ZDHHC21: variants seen among roughly 807,000 people sequenced by gnomAD.
ZDHHC21 encodes the protein zDHHC palmitoyltransferase 21.
Under a neutral mutation model 34.6 loss-of-function variants are expected in ZDHHC21, and 15 were observed. The observed-to-expected ratio is 0.43, with a 90% CI of 0.29 to 0.67. The LOEUF (loss-of-function observed/expected upper bound fraction) is 0.67, where lower values mean the gene tolerates loss of function less well. ZDHHC21 is among the 30% of genes least tolerant of loss of function. ZDHHC21 has a pLI of 0.14. For synonymous variants in ZDHHC21, 142 were observed against 101.8 expected (o/e 1.40, Z -2.38); for missense variants, 344 against 327.7 (o/e 1.05, Z -0.38).
At chr9:14,593,972 G>A in the ZDHHC21 span, 1 of 152,228 alleles carries the variant, frequency 6.6e-6, no homozygotes, top group African/African-American at 2.4e-5. Context: ...TGGGGAAACA[G>A]GGCCTAGTTT....
intron 7 of ZDHHC21, among the ~76,000 whole-genome samples, chr9:14,654,143 A>G (rs902322678): frequency 3.3e-5 from 5 of 152,072 alleles, no homozygotes; most frequent in Non-Finnish European, 5.9e-5. Flanking sequence ...GTAGGGCACA[A>G]TCCACAATAA....
intron 8 of ZDHHC21, among the ~76,000 whole-genome samples, chr9:14,633,644 T>C (rs182153508): frequency 5.0e-4 from 76 of 152,212 alleles, no homozygotes; most frequent in Non-Finnish European, 9.4e-4. Context: ...CCACAGCCAC[T>C]GCTGCAGTTG....
intron 2 of ZDHHC21, among the ~76,000 whole-genome samples, chr9:14,687,608 G>A (rs895583304): frequency 1.2e-4 from 18 of 150,852 alleles, no homozygotes; most frequent in Admixed American, 1.0e-3. Flanking sequence ...AACCCAGGAG[G>A]CAGAAGCCGC....
intron 5 of ZDHHC21, among the ~76,000 whole-genome samples, chr9:14,664,291 C>T (rs754350414): frequency 1.6e-4 from 25 of 152,204 alleles, no homozygotes; most frequent in Non-Finnish European, 3.2e-4. Flanking sequence ...TAATACTGCG[C>T]TTTTCAGACC....
the ZDHHC21 span, among the ~76,000 whole-genome samples, chr9:14,598,054 G>A: frequency 6.6e-6 from 1 of 152,102 alleles, no homozygotes; most frequent in Non-Finnish European, 1.5e-5. Flanking sequence ...TCAAAGCCAT[G>A]CATACTGACC....
In ZDHHC21 at chr9:14,641,471, GT is replaced by G. The variant is rs1829362943; in HGVS notation, c.505-1460del. On this transcript the variant is annotated intron_variant, in intron 7 of 9. Transcript: ENST00000380916. ...CTAACATAATTGATACATTAAACAA[GT>G]TTGACCATGGCAATCATTCTTATGC... Among the ~76,000 whole-genome samples the G allele has an allele frequency of 2.0e-5, 3 of 152,046 alleles. No homozygotes were observed. The South Asian group carries it at 6.2e-4, about 32-fold the overall frequency.
At chr9:14,635,159 A>T (rs4268211) in intron 8 of ZDHHC21, among the ~76,000 whole-genome samples, 119,582 of 152,106 alleles carry the variant, frequency 0.79, 47,669 homozygotes, top group African/African-American at 0.92. Context: ...ATTTAAAAAA[A>T]GAACAAAGAC....
At position 14,647,290 on chromosome 9, in the gene ZDHHC21, C is replaced by A. The variant is rs572299363; in HGVS notation, c.505-7278G>T. Among the ~76,000 whole-genome samples the A allele has an allele frequency of 1.1e-3, 165 of 152,120 alleles. 1 individual carries two copies. Among genetic ancestry groups the A allele is most frequent in the Non-Finnish European group, 1.6e-3 (111 of 67,970 alleles). On this transcript the variant is annotated intron_variant, in intron 7 of 9. Coordinates refer to ENST00000380916, the MANE Select transcript of ZDHHC21 (RefSeq NM_178566.6). ...CAGTGGGGGGCACCACCTCTTAATG[C>A]AAGCTAAATGAAAAGAAGAGTCAGA...
chr9:14,654,222 C>A (rs1279801465), intron 7 of ZDHHC21, among the ~76,000 whole-genome samples: 1 of 152,004 alleles, frequency 6.6e-6, no homozygotes, highest in East Asian at 1.9e-4. Flanking sequence ...TGAAACTAGT[C>A]TTTCACAAAG....
In ZDHHC21 at chr9:14,674,287, A is replaced by AC; in HGVS notation, c.53dup (p.Leu19PhefsTer23). On this transcript the variant is annotated frameshift_variant, in exon 4 of 10. Transcript: ENST00000380916. LOFTEE classifies it high-confidence loss of function. ...TGTATAACCAAACAAAGACAATCAA[A>AC]CCCATGCAGCACCAACCATGTGGGT... is the stretch of plus-strand genomic sequence containing the variant. The AC allele has an allele frequency of 6.3e-7, 1 of 1,598,290 alleles. No homozygotes were observed. Among genetic ancestry groups the AC allele is most frequent in the Non-Finnish European group, 8.5e-7 (1 of 1,174,150 alleles).
the ZDHHC21 span, among the ~76,000 whole-genome samples, chr9:14,591,163 A>G: frequency 1.3e-5 from 2 of 152,172 alleles, no homozygotes; most frequent in Admixed American, 6.5e-5. Flanking sequence ...AGTTACTCCA[A>G]AAAAGGCAGG....
intron 7 of ZDHHC21, among the ~76,000 whole-genome samples, chr9:14,655,626 T>C (rs1832070344): frequency 6.6e-6 from 1 of 151,826 alleles, no homozygotes; most frequent in Non-Finnish European, 1.5e-5. Flanking sequence ...ACTTATATTA[T>C]ACTTCAAAAA....
At chr9:14,635,043 A>C (rs1045527341) in intron 8 of ZDHHC21, among the ~76,000 whole-genome samples, 1 of 152,168 alleles carries the variant, frequency 6.6e-6, no homozygotes, top group Admixed American at 6.5e-5. Flanking sequence ...TACAAAATAC[A>C]TTTCAAAGTT....
rs930447932 is a variant in ZDHHC21 at position 14,611,130 on chromosome 9, A to G, written c.*7836T>C. On this transcript the variant is annotated 3_prime_UTR_variant, in exon 10 of 10. Transcript: ENST00000380916. ...TTTCAAAAAATACAGTACTTAATAC[A>G]TTTTGAGAAGTAAAAATTCCACAAT... The G allele has an allele frequency of 1.3e-5, 2 of 152,094 alleles. No homozygotes were observed. Among genetic ancestry groups the G allele is most frequent in the Non-Finnish European group, 2.9e-5 (2 of 67,948 alleles). The allele number at this position is 152,094 out of a possible 1,614,324, so 9.4% of individuals were successfully genotyped here. A position where few individuals can be genotyped will look rare whatever the true frequency, so the allele number is the denominator to read the frequency against.
chr9:14,624,267 A>T (rs1228738906), intron 8 of ZDHHC21, among the ~76,000 whole-genome samples: 2 of 152,112 alleles, frequency 1.3e-5, no homozygotes, highest in Non-Finnish European at 2.9e-5. Context: ...AAGGAACAGG[A>T]GCCTCAATGG....
chr9:14,620,638 A>T (rs1825145288), intron 8 of ZDHHC21, among the ~76,000 whole-genome samples: 1 of 151,996 alleles, frequency 6.6e-6, no homozygotes, highest in Non-Finnish European at 1.5e-5. Flanking sequence ...TGGCTGCAAA[A>T]CTTTTCCAAT....
intron 6 of ZDHHC21, among the ~76,000 whole-genome samples, chr9:14,659,673 A>C (rs529830819): frequency 6.6e-6 from 1 of 152,356 alleles, no homozygotes; most frequent in Middle Eastern, 3.4e-3. Context: ...CTGAAAAAGA[A>C]ACGATGTAAC....
intron 7 of ZDHHC21, among the ~76,000 whole-genome samples, chr9:14,642,040 T>C (rs991221923): frequency 6.6e-6 from 1 of 152,108 alleles, no homozygotes; most frequent in Admixed American, 6.6e-5. Flanking sequence ...GTGAAAAGAT[T>C]TTAAAATAAT....
intron 8 of ZDHHC21, among the ~76,000 whole-genome samples, chr9:14,633,291 T>TA (rs1473867319): frequency 2.0e-5 from 3 of 152,130 alleles, no homozygotes; most frequent in African/African-American, 7.2e-5. Flanking sequence ...GCAGCCTGGT[T>TA]AGTCAAAATT....
Sources: gnomAD v4.1 joint callset for allele counts (sites outside exome capture counted in the v4.1 genomes callset) on GRCh38, gnomAD v4.1.1 for gene constraint, MANE v1.5 for transcripts, NCBI Gene and HGNC (gene_info 2026-07-23, HGNC 2026-07-21) for gene names.